The following MGAT4C variants were observed in gnomAD, a reference collection of about 807,000 sequenced individuals.
The protein encoded by MGAT4C is alpha-1,3-mannosyl-glycoprotein 4-beta-N-acetylglucosaminyltransferase C.
A neutral mutation model predicts 40.1 loss-of-function variants in MGAT4C; 19 were observed. The ratio of observed to expected loss-of-function variants is 0.47; its 90% CI spans 0.33 to 0.70. MGAT4C has a LOEUF of 0.70. Ranked by LOEUF, MGAT4C falls within the 30% of genes least tolerant of loss-of-function variation. MGAT4C has a pLI of 0.02. For missense variants in MGAT4C, 491 were observed against 563.2 expected, an observed-to-expected ratio of 0.87 and a Z score of 1.30; for synonymous variants, 181 against 187.1, an observed-to-expected ratio of 0.97 and a Z score of 0.27.
At chr12:86,261,302 G>T (rs1952653062), upstream of MGAT4C, among the ~76,000 whole-genome samples, 1 of 152,004 alleles carries the variant, frequency 6.6e-6, no homozygotes, top group Admixed American at 6.6e-5. Context: ...CTTATATAAT[G>T]CCAGACATTG....
upstream of MGAT4C, among the ~76,000 whole-genome samples, chr12:86,258,772 T>C (rs767674976): frequency 1.8e-4 from 27 of 152,162 alleles, no homozygotes; most frequent in Non-Finnish European, 2.9e-4. Flanking sequence ...TTATTACATA[T>C]GAAAATAATT....
chr12:86,081,923 A>G (rs1870913596), intron 1 of MGAT4C, among the ~76,000 whole-genome samples: 1 of 152,172 alleles, frequency 6.6e-6, no homozygotes, highest in South Asian at 2.1e-4. Flanking sequence ...CATTAAAAAC[A>G]TCTACATTAT....
At chr12:86,704,139 C>T (rs549433259) in intron 2 of MGAT4C, among the ~76,000 whole-genome samples, 23 of 151,890 alleles carry the variant, frequency 1.5e-4, no homozygotes, top group African/African-American at 3.9e-4. Context: ...AAATACTCTC[C>T]GTGAATTATT....
intron 2 of MGAT4C, among the ~76,000 whole-genome samples, chr12:86,604,722 A>G (rs1455196756): frequency 6.6e-6 from 1 of 152,180 alleles, no homozygotes; most frequent in African/African-American, 2.4e-5. Context: ...ATACTTTAGA[A>G]ACAAATGGAA....
chr12:86,174,498 A>C (rs1332110691), intron 1 of MGAT4C, among the ~76,000 whole-genome samples: 2 of 152,146 alleles, frequency 1.3e-5, no homozygotes, highest in African/African-American at 4.8e-5. Flanking sequence ...CATTTTTAGC[A>C]CTTGGTGAAC....
intron 4 of MGAT4C, among the ~76,000 whole-genome samples, chr12:86,296,919 C>T (rs1028072387): frequency 6.6e-6 from 1 of 152,236 alleles, no homozygotes; most frequent in African/African-American, 2.4e-5. Context: ...CCAGAGCGAG[C>T]GAGGGCTGTG....
chr12:86,220,641 A>G (rs1950843640), intron 1 of MGAT4C, among the ~76,000 whole-genome samples: 1 of 152,116 alleles, frequency 6.6e-6, no homozygotes, highest in Admixed American at 6.5e-5. Flanking sequence ...TCTCTAGTAT[A>G]TGTTTTTATC....
At chr12:86,422,510 A>C (rs1046833125) in intron 3 of MGAT4C, among the ~76,000 whole-genome samples, 2 of 152,188 alleles carry the variant, frequency 1.3e-5, no homozygotes, top group African/African-American at 4.8e-5. Flanking sequence ...ACACAAGCAA[A>C]CCAAAATCTC....
chr12:86,490,073 C>T (rs142800717), intron 2 of MGAT4C, among the ~76,000 whole-genome samples: 286 of 151,838 alleles, frequency 1.9e-3, no homozygotes, highest in Middle Eastern at 3.4e-3. Flanking sequence ...ATATAGAGAA[C>T]GCCACAAAGA....
intron 3 of MGAT4C, among the ~76,000 whole-genome samples, chr12:86,392,202 T>C (rs1041740127): frequency 2.0e-5 from 3 of 152,154 alleles, no homozygotes; most frequent in African/African-American, 7.2e-5. Flanking sequence ...CCAGATGCAG[T>C]GGCTCAGTCC....
chr12:86,149,728 T>C (rs576345495), intron 1 of MGAT4C, among the ~76,000 whole-genome samples: 30 of 152,188 alleles, frequency 2.0e-4, no homozygotes, highest in Non-Finnish European at 4.1e-4. Flanking sequence ...AGGGGTCTCA[T>C]ATTATAGTCA....
At chr12:86,079,724 G>A (rs995074392) in intron 1 of MGAT4C, among the ~76,000 whole-genome samples, 9 of 151,340 alleles carry the variant, frequency 5.9e-5, no homozygotes, top group African/African-American at 2.2e-4. Context: ...ATGTATATGG[G>A]TAAATGGATT....
chr12:86,475,451 TTAA>T (rs1957819443), intron 2 of MGAT4C, among the ~76,000 whole-genome samples: 1 of 151,998 alleles, frequency 6.6e-6, no homozygotes, highest in Non-Finnish European at 1.5e-5. Flanking sequence ...AATTGAGGTG[TTAA>T]TGTGATTTTT....
At chr12:86,640,200 C>T (rs1317199069) in intron 2 of MGAT4C, among the ~76,000 whole-genome samples, 1 of 151,622 alleles carries the variant, frequency 6.6e-6, no homozygotes, top group Non-Finnish European at 1.5e-5. Context: ...TAGCTTTACC[C>T]ACCATATATA....
intron 1 of MGAT4C, among the ~76,000 whole-genome samples, chr12:86,104,393 T>C (rs1402647464): frequency 6.6e-6 from 1 of 152,090 alleles, no homozygotes; most frequent in East Asian, 1.9e-4. Context: ...TGAGCCGAGA[T>C]AGTGCCATTG....
intron 2 of MGAT4C, among the ~76,000 whole-genome samples, chr12:86,672,699 C>T (rs1005210762): frequency 1.7e-4 from 26 of 151,918 alleles, no homozygotes; most frequent in African/African-American, 5.1e-4. Context: ...TAAGTGTAAA[C>T]TAAACATTGG....
chr12:86,266,994 CT>C (rs1392038365), intron 4 of MGAT4C, among the ~76,000 whole-genome samples: 1 of 151,746 alleles, frequency 6.6e-6, no homozygotes, highest in Non-Finnish European at 1.5e-5. Flanking sequence ...TTTGATTCTA[CT>C]TTTATTGTCT....
At chr12:86,769,956 T>A (rs1016942641) in intron 1 of MGAT4C, among the ~76,000 whole-genome samples, 8 of 152,056 alleles carry the variant, frequency 5.3e-5, no homozygotes, top group Non-Finnish European at 8.8e-5. Flanking sequence ...GGCACACGTA[T>A]ACATATGTAA....
At chr12:86,789,882 G>C (rs573058378) in intron 1 of MGAT4C, among the ~76,000 whole-genome samples, 3 of 152,140 alleles carry the variant, frequency 2.0e-5, no homozygotes, top group African/African-American at 7.2e-5. Context: ...ATGAGAAAAC[G>C]TACACACAGA....
Sources: allele counts gnomAD v4.1 joint callset (sites outside exome capture counted in the v4.1 genomes callset), GRCh38; gene constraint gnomAD v4.1.1; transcripts MANE v1.5; gene names NCBI Gene and HGNC (gene_info 2026-07-23, HGNC 2026-07-21).